The following SLC35A3 variants were observed in gnomAD, a reference collection of about 807,000 sequenced individuals.
SLC35A3 encodes solute carrier family 35 member A3, also known as UDP-N-acetylglucosamine transporter.
A neutral mutation model predicts 39.0 loss-of-function variants in SLC35A3; 26 were observed. The observed-to-expected ratio is 0.67, with a 90% CI of 0.49 to 0.92. The LOEUF (loss-of-function observed/expected upper bound fraction) is 0.92, where lower values mean the gene tolerates loss of function less well. Ranked by LOEUF, SLC35A3 falls within the 40% of genes least tolerant of loss-of-function variation. The probability of loss-of-function intolerance (pLI) is 0.00; values close to 1 mark genes in which losing one functional copy is unlikely to be tolerated. For synonymous variants in SLC35A3, 135 were observed against 133.1 expected, an observed-to-expected ratio of 1.01 and a Z score of -0.10; for missense variants, 299 against 371.6, an observed-to-expected ratio of 0.80 and a Z score of 1.61.
intron 4 of SLC35A3, among the ~76,000 whole-genome samples, chr1:100,010,006 C>T (rs1659507968): frequency 6.6e-6 from 1 of 152,030 alleles, no homozygotes; most frequent in Non-Finnish European, 1.5e-5. Flanking sequence ...CTACACTGTC[C>T]AGTAGGGTAG....
rs950607571 is a variant in SLC35A3, at chr1:100,032,366, C to A, written c.*9890C>A. 1 of 151,716 alleles carries A rather than the reference C, an allele frequency of 6.6e-6. No individual in the cohort carries two copies. Among genetic ancestry groups the A allele is most frequent in the Admixed American group, 6.6e-5 (1 of 15,242 alleles). 9.4% of individuals were successfully genotyped at this position (151,716 alleles called of 1,614,324 possible). On this transcript the variant is annotated 3_prime_UTR_variant, in exon 8 of 8. Coordinates refer to ENST00000533028, the MANE Select transcript of SLC35A3 (RefSeq NM_012243.3). ...TCTTCTACATTTATTAGTTTATATT[C>A]TTTTTTAAAATAAAAAAGTATATTT... is the stretch of plus-strand genomic sequence containing the variant.
rs71970416 is a variant in SLC35A3, at chr1:99,997,410, TTATATATATATATATATATA to T, written c.188-1823_188-1804del. 8.1e-4 allele frequency among the ~76,000 whole-genome samples: 75 copies of T among 92,102 alleles called. 2 individuals are homozygous for T. Among genetic ancestry groups the T allele is most frequent in the South Asian group, 3.5e-3 (7 of 2,016 alleles). The allele number at this position is 92,102 out of a possible 152,430, so 60.4% of individuals were successfully genotyped here. ...ACAGTTATATGTTTTATATATAGTTTTATATATATATATATATATATATATATATATATATATATATATAT... is the reference window on the plus strand; with the variant it reads ...ACAGTTATATGTTTTATATATAGTTTTATATATATATATATATATATATAT... On this transcript the variant is annotated intron_variant, in intron 2 of 7. Coordinates refer to ENST00000533028, the MANE Select transcript of SLC35A3 (RefSeq NM_012243.3).
chr1:100,001,120 A>G (rs1251917320), intron 3 of SLC35A3, among the ~76,000 whole-genome samples: 2 of 152,030 alleles, frequency 1.3e-5, no homozygotes, highest in African/African-American at 2.4e-5. Flanking sequence ...GCCTTGTAGT[A>G]TATTTGGAAG....
In SLC35A3 at chr1:100,028,808, T is replaced by G. The variant is rs1236023239; in HGVS notation, c.*6332T>G. ...TTGCAAATTCAGGGGTTTCCCAAGT[T>G]CACCCTCAGTTCTGGCTAGAAAGAG... On this transcript the variant is annotated 3_prime_UTR_variant, in exon 8 of 8. Transcript: ENST00000533028. The G allele has an allele frequency of 1.3e-5, 2 of 152,238 alleles. No individual in the cohort carries two copies. Among genetic ancestry groups the G allele is most frequent in the Non-Finnish European group, 2.9e-5 (2 of 68,050 alleles). The allele number at this position is 152,238 out of a possible 1,614,324, so 9.4% of individuals were successfully genotyped here. A position where few individuals can be genotyped will look rare whatever the true frequency, so the allele number is the denominator to read the frequency against.
intron 1 of SLC35A3, among the ~76,000 whole-genome samples, chr1:99,974,014 CAAA>C (rs1251803858): frequency 1.1e-3 from 75 of 68,170 alleles, no homozygotes; most frequent in African/African-American, 3.0e-3. Context: ...GACTCCATCT[CAAA>C]AAAAAAAAAA....
chr1:99,990,329 A>G (rs529676721), intron 1 of SLC35A3, among the ~76,000 whole-genome samples: 1 of 152,150 alleles, frequency 6.6e-6, no homozygotes, highest in South Asian at 2.1e-4. Flanking sequence ...TAATCCCAGA[A>G]CTTTGGGAGA....
intron 1 of SLC35A3, among the ~76,000 whole-genome samples, chr1:99,988,547 G>T (rs1275330328): frequency 6.6e-6 from 1 of 152,070 alleles, no homozygotes; most frequent in African/African-American, 2.4e-5. Context: ...ATATCTAAGA[G>T]TGGAATTGCT....
chr1:100,001,407 A>G (rs1006557542), intron 3 of SLC35A3, among the ~76,000 whole-genome samples: 1 of 151,954 alleles, frequency 6.6e-6, no homozygotes, highest in South Asian at 2.1e-4. Context: ...TTTTTCTTGT[A>G]GAGATCTTTT....
intron 1 of SLC35A3, among the ~76,000 whole-genome samples, chr1:99,971,157 C>T (rs982009131): frequency 6.6e-6 from 1 of 152,112 alleles, no homozygotes; most frequent in Non-Finnish European, 1.5e-5. Context: ...GTTATTCCTT[C>T]CTCAGAAATA....
chr1:100,017,929 T>G, intron 7 of SLC35A3, 114 bp downstream of exon 7: 1 of 522,398 alleles, frequency 1.9e-6, no homozygotes, highest in East Asian at 3.6e-5. Context: ...TTTTAAAAAT[T>G]TATTTAACTA....
chr1:99,986,296 C>G (rs911553008), intron 1 of SLC35A3, among the ~76,000 whole-genome samples: 1 of 151,596 alleles, frequency 6.6e-6, no homozygotes. Context: ...TCCTGAGTAG[C>G]TGGGACTACA....
At chr1:99,995,626 G>T (rs1236922261) in intron 2 of SLC35A3, among the ~76,000 whole-genome samples, 1 of 152,126 alleles carries the variant, frequency 6.6e-6, no homozygotes, top group Non-Finnish European at 1.5e-5. Flanking sequence ...GATTTGGGGG[G>T]AAATTAAAGC....
chr1:99,994,841 A>G (rs1391101739), intron 2 of SLC35A3, among the ~76,000 whole-genome samples: 1 of 152,182 alleles, frequency 6.6e-6, no homozygotes, highest in Admixed American at 6.5e-5. Flanking sequence ...TTGCTAGGTC[A>G]TATGGTAATT....
Position 100,030,033 on chromosome 1 carries a change from C to G in SLC35A3, c.*7557C>G, listed in dbSNP as rs553806408. Reference sequence around the variant, plus strand: ...TGAACTAATTTTAAATTAGGCATTCCTATCACCATTATAAGGAAGAGCTAA... The same window carrying G: ...TGAACTAATTTTAAATTAGGCATTCGTATCACCATTATAAGGAAGAGCTAA... On this transcript the variant is annotated 3_prime_UTR_variant, in exon 8 of 8. Coordinates refer to ENST00000533028, the MANE Select transcript of SLC35A3 (RefSeq NM_012243.3). 6.6e-6 allele frequency: 1 copy of G among 152,110 alleles called. No individual in the cohort carries two copies. The highest frequency in any genetic ancestry group is 2.1e-4 in the South Asian group (1 of 4,828). The allele number at this position is 152,110 out of a possible 1,614,324, so 9.4% of individuals were successfully genotyped here. A position where few individuals can be genotyped will look rare whatever the true frequency, so the allele number is the denominator to read the frequency against.
intron 2 of SLC35A3, among the ~76,000 whole-genome samples, chr1:99,995,262 CA>C (rs1658337483): frequency 6.6e-6 from 1 of 151,844 alleles, no homozygotes; most frequent in Non-Finnish European, 1.5e-5. Flanking sequence ...AAGCAATTCT[CA>C]TGCCTCAGCC....
chr1:100,007,254 C>T, intron 4 of SLC35A3, 98 bp downstream of exon 4: 1 of 1,119,672 alleles, frequency 8.9e-7, no homozygotes, highest in Non-Finnish European at 1.3e-6. Context: ...ATTGTTGAAA[C>T]CAACAAATGT....
At chr1:100,006,896 G>A (rs1434162972) in intron 3 of SLC35A3, 138 bp from the exon 4 acceptor site, 2 of 969,410 alleles carry the variant, frequency 2.1e-6, no homozygotes, top group Non-Finnish European at 2.9e-6. Context: ...ATTAACTGAA[G>A]CTTTAGATTC....
Position 99,999,285 on chromosome 1 carries a change from G to A in SLC35A3, c.212G>A (p.Arg71Gln), listed in dbSNP as rs1461703583. 9 of 1,573,870 alleles carry A rather than the reference G, an allele frequency of 5.7e-6. No individual in the cohort carries two copies. Among genetic ancestry groups the A allele is most frequent in the South Asian group, 1.2e-5 (1 of 84,244 alleles). The change falls in exon 3 of 8, where the codon CGA becomes CAA. Residue 71 changes from arginine (R) to glutamine (Q), a missense_variant. Transcript: ENST00000533028. ...GAATGTAGTCTAAGAGCACTGAATC[G>A]AGTACTACATGATGAAATTCTTAAT... ...DSKCSLRALNRVLHDEILNKP... is the reference protein window; with the variant it reads ...DSKCSLRALNQVLHDEILNKP...
In SLC35A3 at chr1:100,029,908, T is replaced by C. The variant is rs994142075; in HGVS notation, c.*7432T>C. On this transcript the variant is annotated 3_prime_UTR_variant, in exon 8 of 8. Coordinates refer to ENST00000533028, the MANE Select transcript of SLC35A3 (RefSeq NM_012243.3). ...ATTGTCATTTAGTTTTCACTTCTTA[T>C]GTTTAATGACAACTTTATAAATGCT... The C allele has an allele frequency of 2.6e-5, 4 of 152,238 alleles. No homozygotes were observed. The highest frequency in any genetic ancestry group is 7.2e-5 in the African/African-American group (3 of 41,462). 9.4% of individuals were successfully genotyped at this position (152,238 alleles called of 1,614,324 possible).
Sources: gnomAD v4.1 joint callset for allele counts (sites outside exome capture counted in the v4.1 genomes callset) on GRCh38, gnomAD v4.1.1 for gene constraint, MANE v1.5 for transcripts, NCBI Gene and HGNC (gene_info 2026-07-23, HGNC 2026-07-21) for gene names.